Variants in ARHGEF10 observed in about 807,000 individuals in gnomAD.
The protein encoded by ARHGEF10 is Rho guanine nucleotide exchange factor (GEF) 10.
Under a neutral mutation model 147.4 loss-of-function variants are expected in ARHGEF10, and 140 were observed. The observed-to-expected ratio is 0.95, with a 90% CI of 0.83 to 1.09. The LOEUF (loss-of-function observed/expected upper bound fraction) is 1.09. ARHGEF10 is among the 50% of genes least tolerant of loss of function. ARHGEF10 has a pLI of 0.00. For missense variants in ARHGEF10, 2,222 were observed against 1,752.7 expected (o/e 1.27, Z -4.78); for synonymous variants, 902 against 695.8 (o/e 1.30, Z -4.67).
chr8:1,849,676 CGTGGG>C, intron 2 of ARHGEF10, among the ~76,000 whole-genome samples: 1 of 132,336 alleles, frequency 7.6e-6, no homozygotes, highest in South Asian at 2.4e-4. Flanking sequence ...GGGGTGGCCA[CGTGGG>C]CATGGATGGC....
intron 12 of ARHGEF10, among the ~76,000 whole-genome samples, chr8:1,894,171 C>G (rs985725935): frequency 7.4e-6 from 1 of 135,524 alleles, no homozygotes; most frequent in Non-Finnish European, 1.6e-5. Context: ...GAGACTGTCT[C>G]AAAAAAAAAA....
chr8:1,909,624 C>T (rs1297921194), intron 18 of ARHGEF10, among the ~76,000 whole-genome samples, 154 bp downstream of exon 18: 2 of 152,224 alleles, frequency 1.3e-5, no homozygotes, highest in Non-Finnish European at 2.9e-5. Flanking sequence ...AATCTGTATG[C>T]TGTCTGACTA....
intron 7 of ARHGEF10, among the ~76,000 whole-genome samples, chr8:1,874,629 C>G (rs953942991): frequency 1.2e-4 from 18 of 152,088 alleles, no homozygotes; most frequent in Non-Finnish European, 2.2e-4. Context: ...GGTTCTAAGA[C>G]AGGCTGGAGG....
At chr8:1,889,158 ACGCTG>A (rs1809142240) in intron 11 of ARHGEF10, among the ~76,000 whole-genome samples, 1 of 81,816 alleles carries the variant, frequency 1.2e-5, no homozygotes, top group Admixed American at 1.2e-4. Flanking sequence ...TTGTGAGGAG[ACGCTG>A]AGTTGGGGGG....
At chr8:1,888,409 A>AG (rs1808976981) in intron 11 of ARHGEF10, among the ~76,000 whole-genome samples, 1 of 129,178 alleles carries the variant, frequency 7.7e-6, no homozygotes, top group African/African-American at 3.1e-5. Flanking sequence ...GTGGGGTGAG[A>AG]GTTGTGAGGA....
At chr8:1,868,652 C>A (rs1423742537) in intron 6 of ARHGEF10, among the ~76,000 whole-genome samples, 1 of 152,160 alleles carries the variant, frequency 6.6e-6, no homozygotes, top group Non-Finnish European at 1.5e-5. Flanking sequence ...TTGATACTTG[C>A]TACTACTTTT....
At chr8:1,910,630 G>C (rs933304288) in intron 18 of ARHGEF10, among the ~76,000 whole-genome samples, 6 of 152,116 alleles carry the variant, frequency 3.9e-5, no homozygotes, top group Non-Finnish European at 8.8e-5. Flanking sequence ...AGGGAGAGGG[G>C]ACATGGGGAC....
intron 7 of ARHGEF10, chr8:1,876,318 TA>T: frequency 2.5e-5 from 14 of 555,224 alleles, no homozygotes; most frequent in Admixed American, 9.3e-5. Flanking sequence ...GTCCTCGGGG[TA>T]CAGATGGGGC....
intron 11 of ARHGEF10, among the ~76,000 whole-genome samples, chr8:1,887,917 G>C (rs554618310): frequency 6.6e-6 from 1 of 151,296 alleles, no homozygotes; most frequent in African/African-American, 2.4e-5. Context: ...GGAGTGGGGT[G>C]CGGGTCATCA....
chr8:1,876,919 G>C (rs368891264), intron 8 of ARHGEF10, among the ~76,000 whole-genome samples, 185 bp downstream of exon 8: 1 of 152,338 alleles, frequency 6.6e-6, no homozygotes, highest in South Asian at 2.1e-4. Flanking sequence ...GTTAAGTATC[G>C]TCATGGAAAG....
intron 1 of ARHGEF10, among the ~76,000 whole-genome samples, chr8:1,827,753 T>G (rs1255845472): frequency 6.6e-6 from 1 of 152,222 alleles, no homozygotes; most frequent in East Asian, 1.9e-4. Flanking sequence ...TGTTAAATGA[T>G]GTGAAAAAGG....
At chr8:1,895,488 C>T (rs1306427888) in intron 13 of ARHGEF10, among the ~76,000 whole-genome samples, 1 of 152,022 alleles carries the variant, frequency 6.6e-6, no homozygotes, top group African/African-American at 2.4e-5. Context: ...AAACAAAATT[C>T]TTTCAAAGAT....
chr8:1,865,885 A>T (rs1353409002), intron 5 of ARHGEF10, among the ~76,000 whole-genome samples: 1 of 152,158 alleles, frequency 6.6e-6, no homozygotes, highest in Non-Finnish European at 1.5e-5. Flanking sequence ...GGGACGACTG[A>T]TCCCTGGTGC....
In ARHGEF10 at chr8:1,909,292, C is replaced by T. The variant is rs772761658; in HGVS notation, c.1968-3C>T. The T allele has an allele frequency of 8.7e-6, 14 of 1,614,212 alleles. 1 individual carries two copies. In the South Asian group the frequency reaches 1.1e-4, roughly 13 times the overall value. The stretch of plus-strand genomic sequence containing the variant: ...TAAAACAAGGATCTTTTGGTCGTTT[C>T]AGCCCCTCTCATGACAGCCGTGTGA... On this transcript the variant is annotated splice_region_variant and splice_polypyrimidine_tract_variant and intron_variant, in intron 17 of 28. Transcript: ENST00000349830.
At position 1,909,334 on chromosome 8, in the gene ARHGEF10, C is replaced by T; in HGVS notation, c.2007C>T (p.Tyr669=). ...HDSRVMSSQR[Y]LLKWSVPLGH... is the part of the protein sequence containing the mutation. ...GCCGTGTGATGAGCAGCCAGAGGTA[C>T]TTGCTGAAGTGGAGCGTTCCACTGG... is the stretch of plus-strand genomic sequence containing the variant. The change falls in exon 18 of 29, where the codon TAC becomes TAT. Residue 669 remains tyrosine (Y), a synonymous_variant. Coordinates refer to ENST00000349830, the MANE Select transcript of ARHGEF10 (RefSeq NM_014629.4). 1 of 1,614,256 alleles carries T rather than the reference C, an allele frequency of 6.2e-7. No homozygotes were observed. Among genetic ancestry groups the T allele is most frequent in the Non-Finnish European group, 8.5e-7 (1 of 1,180,044 alleles).
intron 18 of ARHGEF10, among the ~76,000 whole-genome samples, chr8:1,910,829 A>G (rs1811301494): frequency 6.6e-6 from 1 of 152,250 alleles, no homozygotes; most frequent in South Asian, 2.1e-4. Flanking sequence ...GAATTTATTC[A>G]TAATTAAGAT....
At chr8:1,910,248 C>G (rs1241959364) in intron 18 of ARHGEF10, among the ~76,000 whole-genome samples, 1 of 152,148 alleles carries the variant, frequency 6.6e-6, no homozygotes, top group Non-Finnish European at 1.5e-5. Flanking sequence ...TATTTTGTTT[C>G]TGACATGTTC....
intron 7 of ARHGEF10, among the ~76,000 whole-genome samples, chr8:1,874,834 C>G (rs1563212756): frequency 1.4e-5 from 2 of 140,306 alleles, no homozygotes; most frequent in East Asian, 2.1e-4. Context: ...GAGACACACA[C>G]CACGGCGTGT....
intron 7 of ARHGEF10, among the ~76,000 whole-genome samples, chr8:1,874,272 A>G (rs1348218820): frequency 6.6e-6 from 1 of 152,196 alleles, no homozygotes; most frequent in East Asian, 1.9e-4. Flanking sequence ...CACACATCTG[A>G]ATAGCCTGAG....
Sources: allele counts gnomAD v4.1 joint callset (sites outside exome capture counted in the v4.1 genomes callset), GRCh38; gene constraint gnomAD v4.1.1; transcripts MANE v1.5; gene names NCBI Gene and HGNC (gene_info 2026-07-23, HGNC 2026-07-21).